The following CRACDL variants were observed in gnomAD, a reference collection of about 807,000 sequenced individuals.
CRACDL encodes the protein CRACD-like protein.
CRACDL carries 26 observed loss-of-function variants against 70.6 expected under a neutral mutation model. The ratio of observed to expected loss-of-function variants is 0.37; its 90% CI spans 0.27 to 0.51. CRACDL has a LOEUF of 0.51. Ranked by LOEUF, CRACDL falls within the 20% of genes least tolerant of loss-of-function variation. CRACDL has a pLI of 0.94. For synonymous variants in CRACDL, 618 were observed against 615.2 expected, an observed-to-expected ratio of 1.00 and a Z score of -0.07; for missense variants, 1,283 against 1,376.9, an observed-to-expected ratio of 0.93 and a Z score of 1.08.
At chr2:98,874,714 TG>T (rs1415473518) in intron 1 of CRACDL, among the ~76,000 whole-genome samples, 1 of 152,224 alleles carries the variant, frequency 6.6e-6, no homozygotes, top group African/African-American at 2.4e-5. Context: ...GTTCTGGTCT[TG>T]GGCCAGCCCA....
intron 1 of CRACDL, among the ~76,000 whole-genome samples, chr2:98,861,751 C>T (rs1706945833): frequency 6.6e-6 from 1 of 152,138 alleles, no homozygotes; most frequent in Admixed American, 6.5e-5. Context: ...TTGCAACTTC[C>T]AAGGGAAGGA....
At chr2:98,795,077 A>ATATATATATATATATATATATATT in intron 9 of CRACDL, among the ~76,000 whole-genome samples, 1 of 58,496 alleles carries the variant, frequency 1.7e-5, no homozygotes, top group African/African-American at 6.6e-5. Flanking sequence ...ATATATATAT[A>ATATATATATATATATATATATATT]TTTTTTTTTT....
chr2:98,808,825 C>T (rs1199313984), intron 7 of CRACDL, among the ~76,000 whole-genome samples: 1 of 152,252 alleles, frequency 6.6e-6, no homozygotes, highest in African/African-American at 2.4e-5. Flanking sequence ...AGGTTAATGG[C>T]TGCCGTGGAG....
At chr2:98,876,375 G>A (rs1437071495) in intron 1 of CRACDL, among the ~76,000 whole-genome samples, 1 of 152,194 alleles carries the variant, frequency 6.6e-6, no homozygotes, top group African/African-American at 2.4e-5. Flanking sequence ...ACTGGTACCA[G>A]ACCGTGGCCT....
chr2:98,869,279 G>A (rs934026805), intron 1 of CRACDL: 15 of 1,229,128 alleles, frequency 1.2e-5, no homozygotes, highest in African/African-American at 6.3e-5. Context: ...GTACCCGTGC[G>A]CCAGGAGGAA....
chr2:98,842,757 C>T (rs1158128487), intron 2 of CRACDL, among the ~76,000 whole-genome samples: 1 of 152,120 alleles, frequency 6.6e-6, no homozygotes, highest in Non-Finnish European at 1.5e-5. Flanking sequence ...CTTTTTATTG[C>T]TGAGTAGAAC....
intron 1 of CRACDL, among the ~76,000 whole-genome samples, chr2:98,884,580 G>A (rs766530765): frequency 4.5e-4 from 68 of 152,166 alleles, no homozygotes; most frequent in Non-Finnish European, 2.5e-4. Context: ...TAAAATTCAC[G>A]TGTTGAAACC....
At chr2:98,893,837 A>G (rs1051797701) in intron 1 of CRACDL, among the ~76,000 whole-genome samples, 1 of 152,242 alleles carries the variant, frequency 6.6e-6, no homozygotes, top group Admixed American at 6.5e-5. Flanking sequence ...GGGGTAGCCC[A>G]GTCAGGGCAT....
At chr2:98,812,671 A>G (rs1704621998) in intron 7 of CRACDL, among the ~76,000 whole-genome samples, 1 of 149,552 alleles carries the variant, frequency 6.7e-6, no homozygotes, top group African/African-American at 2.5e-5. Context: ...ATGTCTGTTC[A>G]TGTCTTTTGC....
intron 1 of CRACDL, among the ~76,000 whole-genome samples, chr2:98,915,518 A>G (rs946635677): frequency 2.0e-5 from 3 of 152,134 alleles, no homozygotes; most frequent in Non-Finnish European, 4.4e-5. Flanking sequence ...GTGCTAATCC[A>G]AGAGACAGGG....
intron 1 of CRACDL, among the ~76,000 whole-genome samples, chr2:98,875,933 T>C (rs951215301): frequency 2.0e-5 from 3 of 152,344 alleles, no homozygotes; most frequent in African/African-American, 4.8e-5. Flanking sequence ...ACATTGTCTG[T>C]AGGCACATCA....
Position 98,822,028 on chromosome 2 carries a change from T to C in CRACDL, c.2245A>G (p.Lys749Glu). Residue 749 changes from lysine (K) to glutamate (E), a missense_variant, in exon 7 of 10, where the codon AAG (lysine) becomes GAG (glutamate). Coordinates refer to ENST00000397899, the MANE Select transcript of CRACDL (RefSeq NM_207362.3). This position sits in a 1 kb window ranked among gnomAD's most constrained non-coding sequence, Gnocchi z 4.9. ...CTGAGCGGCTCGGGGGGCCGGGCCT[T>C]CCCCTTTCCTTGGTCGCTGGGGGCC... is the stretch of plus-strand genomic sequence containing the variant. Reference protein sequence around the residue: ...TRAPSDQGKGKARPPEPLSSK... With the variant: ...TRAPSDQGKGEARPPEPLSSK... 1.9e-6 allele frequency: 3 copies of C among 1,542,026 alleles called. No homozygotes were observed. Among genetic ancestry groups the C allele is most frequent in the Non-Finnish European group, 1.7e-6 (2 of 1,143,124 alleles).
chr2:98,797,483 G>A lies in CRACDL; in HGVS notation c.2471C>T (p.Pro824Leu), dbSNP rs760048872. Residue 824 changes from proline to leucine, a missense_variant, in exon 8 of 10, where the codon CCA becomes CTA. This residue lies in a region of CRACDL where 921 missense variants were observed against 881.9 expected (regional missense o/e 1.04). Transcript: ENST00000397899. ...CTGCCGAGTGACGGTGATCCAGGGT[G>A]GCGCAGGCTGCCCATCAGCTCCAGG... ...TGPGADGQPA[P>L]PWITVTRQKR... The A allele has an allele frequency of 9.9e-6, 16 of 1,614,126 alleles. No homozygotes were observed. The highest frequency in any genetic ancestry group is 1.4e-5 in the Non-Finnish European group (16 of 1,180,042).
At chr2:98,881,147 G>A (rs1707640789) in intron 1 of CRACDL, among the ~76,000 whole-genome samples, 1 of 152,182 alleles carries the variant, frequency 6.6e-6, no homozygotes, top group South Asian at 2.1e-4. Flanking sequence ...CTACCTGGAG[G>A]CAGCCCTGTA....
rs1168021661 is a variant in CRACDL, at chr2:98,832,416, C to T, written c.472G>A (p.Asp158Asn). ...GEDAGMSSED[D>N]GLPRSPPEMS... ...TCTGGGGGGCTCCTGGGCAGCCCGT[C>T]GTCCTCAGAGCTCATGCCGGCATCC... Residue 158 changes from aspartate (D) to asparagine (N), a missense_variant, in exon 5 of 10, where the codon GAC becomes AAC. Asp to Asn is a conservative substitution (Grantham distance 23). Coordinates refer to ENST00000397899, the MANE Select transcript of CRACDL (RefSeq NM_207362.3). The T allele has an allele frequency of 1.2e-6, 2 of 1,614,158 alleles. No individual in the cohort carries two copies. Among genetic ancestry groups the T allele is most frequent in the South Asian group, 1.1e-5 (1 of 91,086 alleles).
chr2:98,847,457 C>A (rs1312059100), intron 1 of CRACDL, among the ~76,000 whole-genome samples: 1 of 152,108 alleles, frequency 6.6e-6, no homozygotes, highest in Non-Finnish European at 1.5e-5. Context: ...ATATAATGAA[C>A]TCAAGGTATG....
chr2:98,886,467 A>G (rs1707799643), intron 1 of CRACDL, among the ~76,000 whole-genome samples: 2 of 152,218 alleles, frequency 1.3e-5, no homozygotes, highest in Non-Finnish European at 2.9e-5. Flanking sequence ...ATACTCAGGG[A>G]AGGCCTGAGA....
At chr2:98,861,401 A>G (rs534967530) in intron 1 of CRACDL, among the ~76,000 whole-genome samples, 1 of 152,304 alleles carries the variant, frequency 6.6e-6, no homozygotes, top group East Asian at 1.9e-4. Context: ...ACTCACTAGA[A>G]TGACTATAAT....
intron 1 of CRACDL, among the ~76,000 whole-genome samples, chr2:98,920,052 C>A (rs1262715954): frequency 6.6e-6 from 1 of 152,184 alleles, no homozygotes; most frequent in Non-Finnish European, 1.5e-5. Flanking sequence ...CTGTGCCTGG[C>A]CTACAATACG....
Sources: gnomAD v4.1 joint callset for allele counts (sites outside exome capture counted in the v4.1 genomes callset) on GRCh38, gnomAD v4.1.1 for gene constraint, gnomAD v4.1.1 regional missense constraint, Gnocchi (gnomAD v3.1) non-coding constraint, MANE v1.5 for transcripts, NCBI Gene and HGNC (gene_info 2026-07-23, HGNC 2026-07-21) for gene names.